Variants in ABTB2 observed in about 807,000 individuals in gnomAD.
ABTB2 encodes the protein ankyrin repeat and BTB domain containing 2, also known as ankyrin repeat and BTB/POZ domain-containing protein 2.
ABTB2 carries 56 observed loss-of-function variants against 104.1 expected under a neutral mutation model. That is an observed-to-expected ratio of 0.54 (90% CI 0.43 to 0.67). The LOEUF (loss-of-function observed/expected upper bound fraction) is 0.67. Ranked by LOEUF, ABTB2 falls within the 30% of genes least tolerant of loss-of-function variation. The probability of loss-of-function intolerance (pLI) is 0.00; values close to 1 mark genes in which losing one functional copy is unlikely to be tolerated. For missense variants in ABTB2, 1,279 were observed against 1,407.7 expected, an observed-to-expected ratio of 0.91 and a Z score of 1.46; for synonymous variants, 606 against 608.2, an observed-to-expected ratio of 1.00 and a Z score of 0.05.
In ABTB2 at chr11:34,171,956, G is replaced by C. The variant is rs111228320; in HGVS notation, c.1398-885C>G. Among the ~76,000 whole-genome samples, 6 of 152,266 alleles carry C rather than the reference G, an allele frequency of 3.9e-5. 1 individual carries two copies. The highest frequency in any genetic ancestry group is 1.4e-4 in the African/African-American group (6 of 41,542). ...GGGGGCGCATCACAGACGTCCAGTT[G>C]GCAGCTTTGGTCTGGAGCCTTGGTT... is the stretch of plus-strand genomic sequence containing the variant. On this transcript the variant is annotated intron_variant, in intron 4 of 16. Coordinates refer to ENST00000435224, the MANE Select transcript of ABTB2 (RefSeq NM_145804.3).
chr11:34,322,451 T>G (rs371467714), intron 1 of ABTB2, among the ~76,000 whole-genome samples: 2 of 152,112 alleles, frequency 1.3e-5, no homozygotes, highest in Non-Finnish European at 2.9e-5. Context: ...GGCATGCACC[T>G]GTAATCCCAG....
chr11:34,350,271 C>T (rs1855381911), intron 1 of ABTB2, among the ~76,000 whole-genome samples: 1 of 152,078 alleles, frequency 6.6e-6, no homozygotes, highest in Non-Finnish European at 1.5e-5. Flanking sequence ...GCTCTTCTGC[C>T]AACTCCAGGA....
intron 1 of ABTB2, among the ~76,000 whole-genome samples, chr11:34,343,270 G>T (rs556056666): frequency 9.2e-5 from 14 of 152,284 alleles, no homozygotes; most frequent in African/African-American, 3.4e-4. Context: ...ATGAAGGAAA[G>T]TCACCATCCT....
chr11:34,202,897 T>C (rs911047468), intron 2 of ABTB2, among the ~76,000 whole-genome samples: 4 of 152,078 alleles, frequency 2.6e-5, no homozygotes, highest in Non-Finnish European at 5.9e-5. Context: ...GCAGTGGAGT[T>C]GGTGAAAGGG....
chr11:34,258,329 T>A (rs1392665025), intron 1 of ABTB2, among the ~76,000 whole-genome samples: 1 of 152,194 alleles, frequency 6.6e-6, no homozygotes, highest in Admixed American at 6.5e-5. Flanking sequence ...TTTTTCCCTT[T>A]AATCCTCACA....
At position 34,357,050 on chromosome 11, in the gene ABTB2, G is replaced by A. The variant is rs2133133194; in HGVS notation, c.534C>T (p.Ala178=). 5 of 1,529,394 alleles carry A rather than the reference G, an allele frequency of 3.3e-6. No homozygotes were observed. Among genetic ancestry groups the A allele is most frequent in the South Asian group, 1.2e-5 (1 of 83,772 alleles). 94.7% of individuals were successfully genotyped at this position (1,529,394 alleles called of 1,614,324 possible). ...WALAESCALA[A]VKALSLYSMS... is the part of the protein sequence containing the mutation. ...TGCTGTACAGGGACAGCGCCTTGAC[G>A]GCTGCCAGCGCGCAGCTCTCGGCCA... is the stretch of plus-strand genomic sequence containing the variant. The change falls in exon 1 of 17, where the codon GCC becomes GCT. Residue 178 remains alanine (A), a synonymous_variant. Transcript: ENST00000435224.
chr11:34,168,011 C>T lies in ABTB2; in HGVS notation c.1564-19G>A, dbSNP rs564477471. The T allele has an allele frequency of 4.6e-5, 74 of 1,611,722 alleles. No homozygotes were observed. In the South Asian group the frequency reaches 4.7e-4, roughly 10 times the overall value. On this transcript the variant is annotated intron_variant, in intron 5 of 16. Coordinates refer to ENST00000435224, the MANE Select transcript of ABTB2 (RefSeq NM_145804.3). ...TCATACCCTGAGCAAATCAAATGCACGTGCTAAACTGTTTGCAAACAGAAC... is the reference window on the plus strand; with the variant it reads ...TCATACCCTGAGCAAATCAAATGCATGTGCTAAACTGTTTGCAAACAGAAC...
intron 1 of ABTB2, among the ~76,000 whole-genome samples, chr11:34,206,308 G>A (rs1293616918): frequency 6.6e-6 from 1 of 152,062 alleles, no homozygotes; most frequent in Admixed American, 6.6e-5. Flanking sequence ...GCTTGAACCC[G>A]GGAGGCAGAG....
intron 1 of ABTB2, among the ~76,000 whole-genome samples, chr11:34,355,277 C>T (rs1855452353): frequency 6.6e-6 from 1 of 152,054 alleles, no homozygotes; most frequent in South Asian, 2.1e-4. Context: ...AACAAACAAA[C>T]AAACAACAAC....
chr11:34,176,136 C>T (rs564041271), intron 3 of ABTB2, among the ~76,000 whole-genome samples: 3 of 151,992 alleles, frequency 2.0e-5, no homozygotes, highest in South Asian at 4.2e-4. Flanking sequence ...AAAAGTTAGC[C>T]GGGCGTGGTG....
intron 1 of ABTB2, among the ~76,000 whole-genome samples, chr11:34,285,710 C>T (rs1413106881): frequency 6.6e-6 from 1 of 152,184 alleles, no homozygotes; most frequent in Non-Finnish European, 1.5e-5. Flanking sequence ...TAGCGCTCTC[C>T]AACCACTCTC....
In ABTB2 at chr11:34,204,704, A is replaced by T. The variant is rs1199024990; in HGVS notation, c.884-14T>A. The T allele has an allele frequency of 6.2e-7, 1 of 1,608,296 alleles. No individual in the cohort carries two copies. Among genetic ancestry groups the T allele is most frequent in the Non-Finnish European group, 8.5e-7 (1 of 1,177,004 alleles). ...GGGAGAGGACACCTATGGGGAAAGA[A>T]GGCAGACAGGTCACACTTAGGAAGG... On this transcript the variant is annotated splice_polypyrimidine_tract_variant and intron_variant, in intron 1 of 16. Transcript: ENST00000435224.
At chr11:34,304,957 T>G (rs558190239) in intron 1 of ABTB2, among the ~76,000 whole-genome samples, 1 of 152,352 alleles carries the variant, frequency 6.6e-6, no homozygotes, top group African/African-American at 2.4e-5. Context: ...GTGTAATTCA[T>G]GGACCACTCA....
intron 1 of ABTB2, among the ~76,000 whole-genome samples, chr11:34,317,553 G>A (rs980744932): frequency 1.2e-4 from 18 of 152,086 alleles, no homozygotes; most frequent in Admixed American, 3.9e-4. Context: ...CAGGAGGATC[G>A]CTTCAGTATA....
intron 1 of ABTB2, among the ~76,000 whole-genome samples, chr11:34,229,684 G>C (rs373495480): frequency 7.2e-5 from 11 of 151,952 alleles, no homozygotes; most frequent in African/African-American, 2.7e-4. Flanking sequence ...AATTACTTTA[G>C]CACTATAAGA....
chr11:34,219,502 C>CACCGT (rs1853589749), intron 1 of ABTB2, among the ~76,000 whole-genome samples: 1 of 151,836 alleles, frequency 6.6e-6, no homozygotes, highest in Non-Finnish European at 1.5e-5. Context: ...ACAATCATGC[C>CACCGT]ACCGTACTCC....
At chr11:34,226,698 G>A (rs1007405071) in intron 1 of ABTB2, among the ~76,000 whole-genome samples, 2 of 152,138 alleles carry the variant, frequency 1.3e-5, no homozygotes, top group African/African-American at 4.8e-5. Flanking sequence ...TTCATTCGCT[G>A]TTTTTAGTAT....
At chr11:34,166,588 G>A (rs1162711117) in intron 7 of ABTB2, among the ~76,000 whole-genome samples, 3 of 152,234 alleles carry the variant, frequency 2.0e-5, no homozygotes, top group African/African-American at 2.4e-5. Flanking sequence ...AGTGGGGAGC[G>A]AGGGTGTCAC....
intron 3 of ABTB2, among the ~76,000 whole-genome samples, chr11:34,179,700 C>G (rs561307946): frequency 6.6e-6 from 1 of 152,306 alleles, no homozygotes; most frequent in Non-Finnish European, 1.5e-5. Flanking sequence ...TGCCAAAGTT[C>G]GTGGTTTTTA....
Sources: gnomAD v4.1 joint callset for allele counts (sites outside exome capture counted in the v4.1 genomes callset) on GRCh38, gnomAD v4.1.1 for gene constraint, MANE v1.5 for transcripts, NCBI Gene and HGNC (gene_info 2026-07-23, HGNC 2026-07-21) for gene names.